OR51B5: variants seen among roughly 807,000 people sequenced by gnomAD.
OR51B5 encodes olfactory receptor family 51 subfamily B member 5.
For missense variants in OR51B5, 456 were observed against 374.6 expected (o/e 1.22, Z -1.79); for synonymous variants, 186 against 144.8 (o/e 1.28, Z -2.04).
intron 1 of OR51B5, chr11:5,422,321 A>G: frequency 6.2e-7 from 1 of 1,613,978 alleles, no homozygotes; most frequent in South Asian, 1.1e-5. Flanking sequence ...CACCATCTCC[A>G]TCATGGGCAA....
In OR51B5 at chr11:5,390,176, G is replaced by A. The variant is rs774673987; in HGVS notation, n.85-43266C>T. ...GACATGCACCGCTCCTCTCTGTGCTGTGCTAGTATTCTTTGTGCCCATGAT... is the reference window on the plus strand; with the variant it reads ...GACATGCACCGCTCCTCTCTGTGCTATGCTAGTATTCTTTGTGCCCATGAT... On this transcript the variant is annotated intron_variant and non_coding_transcript_variant, in intron 1 of 4. Coordinates refer to the OR51B5 transcript ENST00000415970. 1.2e-5 allele frequency: 19 copies of A among 1,613,888 alleles called. No individual in the cohort carries two copies. In the East Asian group the frequency reaches 2.7e-4, roughly 23 times the overall value.
At chr11:5,434,688 A>G (rs1482287354) in intron 1 of OR51B5, among the ~76,000 whole-genome samples, 4 of 152,196 alleles carry the variant, frequency 2.6e-5, no homozygotes, top group African/African-American at 4.8e-5. Context: ...CAAGGAGACC[A>G]TAGCTCAAAA....
chr11:5,359,254 A>C (rs1199854691), intron 1 of OR51B5, among the ~76,000 whole-genome samples: 2 of 148,398 alleles, frequency 1.3e-5, no homozygotes, highest in Admixed American at 6.8e-5. Flanking sequence ...CCACTGTCTC[A>C]GCCCAAAATG....
chr11:5,340,892 GGGACACAT>G (rs1564910861), downstream of OR51B5: 1 of 152,102 alleles, frequency 6.6e-6, no homozygotes, highest in Non-Finnish European at 1.5e-5. Flanking sequence ...GCATAATTAA[GGGACACAT>G]GTTTGGTTTT....
intron 1 of OR51B5, among the ~76,000 whole-genome samples, chr11:5,416,506 A>T (rs11037370): frequency 0.77 from 115,988 of 150,642 alleles, 45,930 homozygotes; most frequent in Non-Finnish European, 0.87. Context: ...TGCAGATGAC[A>T]TGATTGTATA....
intron 1 of OR51B5, among the ~76,000 whole-genome samples, chr11:5,491,912 T>C (rs1471713691): frequency 1.3e-5 from 2 of 152,200 alleles, no homozygotes; most frequent in Non-Finnish European, 2.9e-5. Flanking sequence ...ATGAACCTGA[T>C]CCTGCTAGAG....
upstream of OR51B5, among the ~76,000 whole-genome samples, chr11:5,345,605 C>G (rs958649439): frequency 4.6e-5 from 7 of 152,164 alleles, no homozygotes; most frequent in African/African-American, 1.7e-4. Context: ...TGAATTAGAG[C>G]AAATGCATCC....
intron 1 of OR51B5, among the ~76,000 whole-genome samples, chr11:5,373,997 C>T (rs928508932): frequency 2.6e-5 from 4 of 152,200 alleles, no homozygotes; most frequent in Non-Finnish European, 5.9e-5. Flanking sequence ...CAGCACACAG[C>T]TGGAGATCTG....
chr11:5,396,923 T>C (rs536717070), intron 1 of OR51B5, among the ~76,000 whole-genome samples: 1 of 152,322 alleles, frequency 6.6e-6, no homozygotes, highest in East Asian at 1.9e-4. Context: ...ATCTGATCTT[T>C]GACAAACCTG....
chr11:5,477,759 C>G (rs972582635), intron 1 of OR51B5, among the ~76,000 whole-genome samples: 68 of 152,112 alleles, frequency 4.5e-4, no homozygotes, highest in African/African-American at 1.6e-3. Flanking sequence ...ACGGACGCAC[C>G]TGGAAAATCG....
chr11:5,343,835 C>G (rs553584334), upstream of OR51B5, among the ~76,000 whole-genome samples: 119 of 152,312 alleles, frequency 7.8e-4, 1 homozygote, highest in African/African-American at 2.7e-3. Flanking sequence ...TAAACTGTTA[C>G]CCTTAACTAT....
intron 1 of OR51B5, chr11:5,403,018 C>G (rs141205183): frequency 3.6e-5 from 17 of 471,608 alleles, no homozygotes; most frequent in Non-Finnish European, 5.3e-5. Flanking sequence ...TATCCTGACA[C>G]TGCCCAGGGT....
chr11:5,411,290 G>A (rs899887728), intron 1 of OR51B5, among the ~76,000 whole-genome samples: 1 of 152,084 alleles, frequency 6.6e-6, no homozygotes, highest in Non-Finnish European at 1.5e-5. Context: ...TGTTACAATT[G>A]CTTACAGTAT....
chr11:5,493,232 C>A (rs1305943100), intron 1 of OR51B5, among the ~76,000 whole-genome samples: 1 of 152,160 alleles, frequency 6.6e-6, no homozygotes, highest in East Asian at 1.9e-4. Flanking sequence ...CCCCATCTCA[C>A]TGGGGTCTGA....
intron 1 of OR51B5, among the ~76,000 whole-genome samples, chr11:5,425,327 C>A (rs1000472605): frequency 1.3e-4 from 20 of 152,144 alleles, no homozygotes; most frequent in African/African-American, 4.1e-4. Flanking sequence ...AAGAGGAGCA[C>A]AGGCTACCAT....
intron 1 of OR51B5, among the ~76,000 whole-genome samples, chr11:5,425,468 C>G (rs1850433681): frequency 6.6e-6 from 1 of 152,158 alleles, no homozygotes; most frequent in Non-Finnish European, 1.5e-5. Context: ...GTTGTTCTCC[C>G]TTTTCTGTTT....
At chr11:5,489,582 T>C in intron 1 of OR51B5, 3 of 1,614,054 alleles carry the variant, frequency 1.9e-6, no homozygotes, top group Non-Finnish European at 2.5e-6. Context: ...CTGTACTCAA[T>C]CCTATTCTCT....
At chr11:5,421,967 A>G (rs1333703881) in intron 1 of OR51B5, 3 of 486,144 alleles carry the variant, frequency 6.2e-6, no homozygotes, top group Non-Finnish European at 1.1e-5. Flanking sequence ...CCATGAATTA[A>G]TATATATTCC....
chr11:5,401,803 A>C (rs1849970654), intron 1 of OR51B5, among the ~76,000 whole-genome samples: 1 of 40,570 alleles, frequency 2.5e-5, no homozygotes, highest in South Asian at 9.0e-4. Context: ...TAAATGCATA[A>C]TCTTTCTTTT....
Sources: allele counts gnomAD v4.1 joint callset (sites outside exome capture counted in the v4.1 genomes callset), GRCh38; gene constraint gnomAD v4.1.1; transcripts MANE v1.5; gene names NCBI Gene and HGNC (gene_info 2026-07-23, HGNC 2026-07-21).